Variants in NCEH1 observed in about 807,000 individuals in gnomAD.
NCEH1 encodes neutral cholesterol ester hydrolase 1, also known as 2-acetyl MAGE hydrolase.
NCEH1 carries 9 observed loss-of-function variants against 25.4 expected under a neutral mutation model. The observed-to-expected ratio is 0.35, with a 90% CI of 0.21 to 0.62. NCEH1 has a LOEUF of 0.62. Ranked by LOEUF, NCEH1 falls within the 20% of genes least tolerant of loss-of-function variation. The pLI, the probability that NCEH1 is intolerant of heterozygous loss-of-function variation, is 0.72. For missense variants in NCEH1, 412 were observed against 501.1 expected (o/e 0.82, Z 1.70); for synonymous variants, 200 against 199.8 (o/e 1.00, Z -0.01).
intron 1 of NCEH1, among the ~76,000 whole-genome samples, chr3:172,689,213 C>T (rs1712878422): frequency 6.7e-6 from 1 of 149,608 alleles, no homozygotes; most frequent in Non-Finnish European, 1.5e-5. Context: ...GCAATAAGAC[C>T]GATATTCACA....
At chr3:172,637,687 G>A (rs1716655478) in intron 3 of NCEH1, among the ~76,000 whole-genome samples, 1 of 152,008 alleles carries the variant, frequency 6.6e-6, no homozygotes, top group Non-Finnish European at 1.5e-5. Context: ...TCAGGAGTTC[G>A]AGACCAGCCT....
chr3:172,696,748 T>C (rs996241726), intron 1 of NCEH1, among the ~76,000 whole-genome samples: 1 of 152,176 alleles, frequency 6.6e-6, no homozygotes, highest in African/African-American at 2.4e-5. Flanking sequence ...ATGAGGTGTT[T>C]TGTGAAATAA....
chr3:172,709,925 A>G lies in NCEH1; in HGVS notation c.138+922T>C, dbSNP rs529954922. Among the ~76,000 whole-genome samples the G allele has an allele frequency of 8.3e-4, 126 of 152,314 alleles. 1 individual carries two copies. The South Asian group carries it at 0.026, about 31-fold the overall frequency. On this transcript the variant is annotated intron_variant, in intron 1 of 4. Transcript: ENST00000475381. ...TAGATAGAGCAGGCTGCTCAGAAAT[A>G]CTGTCCAATCAGAGGGCTCAGCCTT...
chr3:172,681,869 C>T (rs1712398479), intron 1 of NCEH1, among the ~76,000 whole-genome samples: 1 of 151,732 alleles, frequency 6.6e-6, no homozygotes, highest in East Asian at 1.9e-4. Flanking sequence ...TGAGATCACA[C>T]CACTGCACTC....
rs1716388984 is a variant in NCEH1 at position 172,632,223 on chromosome 3, A to G, written c.*1252T>C. ...TCTAATTATTTTAACTTGTATATGC[A>G]TATAAACACGAAAATATTTATGCCT... On this transcript the variant is annotated 3_prime_UTR_variant, in exon 5 of 5. Coordinates refer to ENST00000475381, the MANE Select transcript of NCEH1 (RefSeq NM_020792.6). 1 of 152,238 alleles carries G rather than the reference A, an allele frequency of 6.6e-6. No individual in the cohort carries two copies. Among genetic ancestry groups the G allele is most frequent in the South Asian group, 2.1e-4 (1 of 4,836 alleles). 9.4% of individuals were successfully genotyped at this position (152,238 alleles called of 1,614,324 possible).
intron 1 of NCEH1, among the ~76,000 whole-genome samples, chr3:172,659,862 C>A (rs1717886752): frequency 2.0e-5 from 3 of 152,142 alleles, no homozygotes; most frequent in Admixed American, 2.0e-4. Context: ...CTCAACAGCA[C>A]ATCACTCTCT....
At chr3:172,673,931 C>T (rs965701318) in intron 1 of NCEH1, among the ~76,000 whole-genome samples, 28 of 152,260 alleles carry the variant, frequency 1.8e-4, no homozygotes, top group Admixed American at 4.6e-4. Flanking sequence ...AATCCTTCAC[C>T]GAGCTTTTTA....
intron 1 of NCEH1, among the ~76,000 whole-genome samples, chr3:172,674,305 G>A (rs1711814640): frequency 6.6e-6 from 1 of 152,014 alleles, no homozygotes; most frequent in South Asian, 2.1e-4. Context: ...TTAGCCGGGT[G>A]TGGTGGCACG....
chr3:172,701,596 C>T (rs934960334), intron 1 of NCEH1, among the ~76,000 whole-genome samples: 15 of 148,956 alleles, frequency 1.0e-4, no homozygotes, highest in Middle Eastern at 3.5e-3. Context: ...ACTACAGACG[C>T]GTGCCACCAT....
At chr3:172,694,214 G>T (rs1376469186) in intron 1 of NCEH1, among the ~76,000 whole-genome samples, 1 of 152,130 alleles carries the variant, frequency 6.6e-6, no homozygotes, top group Non-Finnish European at 1.5e-5. Context: ...GAACTAATAG[G>T]ATTTAATCTA....
rs1457321858 is a variant in NCEH1, at chr3:172,632,780, T to G, written c.*695A>C. Reference sequence around the variant, plus strand: ...CAAAAACACAACAAAAACCTAATGATATATAGATATCCAGTGCATGCGACT... The same window carrying G: ...CAAAAACACAACAAAAACCTAATGAGATATAGATATCCAGTGCATGCGACT... On this transcript the variant is annotated 3_prime_UTR_variant, in exon 5 of 5. Transcript: ENST00000475381. The G allele has an allele frequency of 6.6e-6, 1 of 152,656 alleles. No individual in the cohort carries two copies. The highest frequency in any genetic ancestry group is 1.5e-5 in the Non-Finnish European group (1 of 68,032). The allele number at this position is 152,656 out of a possible 1,614,324, so 9.5% of individuals were successfully genotyped here. A position where few individuals can be genotyped will look rare whatever the true frequency, so the allele number is the denominator to read the frequency against.
chr3:172,647,134 T>C (rs1042672358), intron 2 of NCEH1, among the ~76,000 whole-genome samples: 2 of 152,030 alleles, frequency 1.3e-5, no homozygotes, highest in African/African-American at 4.8e-5. Context: ...CACATAATGA[T>C]AAAATAAAAA....
chr3:172,709,169 C>G (rs1714168422), intron 1 of NCEH1, among the ~76,000 whole-genome samples: 1 of 152,164 alleles, frequency 6.6e-6, no homozygotes, highest in Non-Finnish European at 1.5e-5. Context: ...GGCTGGCAAG[C>G]CTAGCTGGGA....
intron 1 of NCEH1, among the ~76,000 whole-genome samples, chr3:172,653,744 G>T (rs7631899): frequency 0.39 from 36,344 of 94,200 alleles, 5,306 homozygotes; most frequent in East Asian, 0.47. Context: ...TGTTTTTTTT[G>T]TTTTTTTGTT....
At chr3:172,699,517 T>A (rs1713566898) in intron 1 of NCEH1, among the ~76,000 whole-genome samples, 1 of 152,178 alleles carries the variant, frequency 6.6e-6, no homozygotes. Context: ...GCAAGTCAAA[T>A]AAATGCAGCC....
chr3:172,700,575 G>T (rs541290525), intron 1 of NCEH1, among the ~76,000 whole-genome samples: 1 of 152,292 alleles, frequency 6.6e-6, no homozygotes, highest in South Asian at 2.1e-4. Flanking sequence ...GAGTGTAGTG[G>T]TGTGATCATA....
chr3:172,654,709 G>C (rs985976535), intron 1 of NCEH1, among the ~76,000 whole-genome samples: 14 of 152,194 alleles, frequency 9.2e-5, no homozygotes, highest in African/African-American at 2.7e-4. Flanking sequence ...ACATGAACCA[G>C]CAACATTAAC....
chr3:172,672,669 C>G (rs1711704805), intron 1 of NCEH1, among the ~76,000 whole-genome samples: 1 of 152,122 alleles, frequency 6.6e-6, no homozygotes, highest in South Asian at 2.1e-4. Flanking sequence ...CCACTTCGGT[C>G]TTTTATAATA....
chr3:172,650,431 C>G (rs955964204), intron 1 of NCEH1, among the ~76,000 whole-genome samples: 1 of 151,650 alleles, frequency 6.6e-6, no homozygotes, highest in Non-Finnish European at 1.5e-5. Context: ...ATCATGAGGT[C>G]AGGAGATCGA....
Sources: allele counts gnomAD v4.1 joint callset (sites outside exome capture counted in the v4.1 genomes callset), GRCh38; gene constraint gnomAD v4.1.1; transcripts MANE v1.5; gene names NCBI Gene and HGNC (gene_info 2026-07-23, HGNC 2026-07-21).